Variants in TLN2 observed in about 807,000 individuals in gnomAD.
The protein encoded by TLN2 is talin 2.
TLN2 carries 118 observed loss-of-function variants against 294.7 expected under a neutral mutation model. The observed-to-expected ratio is 0.40, with a 90% confidence interval of 0.34 to 0.47. The LOEUF (loss-of-function observed/expected upper bound fraction) is 0.47, where lower values mean the gene tolerates loss of function less well. Among genes scored for constraint, TLN2 ranks in the 20% least tolerant of loss-of-function variants. The probability of loss-of-function intolerance (pLI) is 0.84; values close to 1 mark genes in which losing one functional copy is unlikely to be tolerated. For synonymous variants in TLN2, 1,431 were observed against 1,304.5 expected (o/e 1.10, Z -2.09); for missense variants, 3,083 against 3,282.2 (o/e 0.94, Z 1.48).
chr15:62,581,678 G>A (rs963609509), intron 1 of TLN2, among the ~76,000 whole-genome samples: 3 of 152,172 alleles, frequency 2.0e-5, no homozygotes, highest in Non-Finnish European at 4.4e-5. Flanking sequence ...ATGTAAAATA[G>A]TGTATTTCCC....
chr15:62,824,372 A>G (rs1163221392), intron 54 of TLN2, among the ~76,000 whole-genome samples: 1 of 152,220 alleles, frequency 6.6e-6, no homozygotes, highest in Non-Finnish European at 1.5e-5. Flanking sequence ...CCTCAAACAC[A>G]TCTAGATTCA....
In TLN2 at chr15:62,702,798, C is replaced by T; in HGVS notation, c.1938C>T (p.Ser646=). The change falls in exon 19 of 59, where the codon AGC becomes AGT. Residue 646 remains serine, a synonymous_variant. Coordinates refer to ENST00000636159, the MANE Select transcript of TLN2 (RefSeq NM_015059.3). The part of the protein sequence containing the change: ...PRQTVLTAAG[S]IGQASGDLLR... ...AGACAGTTTTGACTGCTGCTGGCAG[C>T]ATCGGACAAGCCAGTGGGGATCTTC... 6.2e-7 allele frequency: 1 copy of T among 1,614,172 alleles called. No individual in the cohort carries two copies. Among genetic ancestry groups the T allele is most frequent in the South Asian group, 1.1e-5 (1 of 91,080 alleles).
intron 1 of TLN2, among the ~76,000 whole-genome samples, chr15:62,393,792 T>C (rs1051887913): frequency 1.8e-4 from 27 of 152,164 alleles, no homozygotes; most frequent in African/African-American, 6.0e-4. Context: ...TATCTTTTTT[T>C]TAATGCCTCT....
At chr15:62,626,582 CCCTGATCTGG>C (rs142947471) in intron 3 of TLN2, among the ~76,000 whole-genome samples, 4,170 of 152,262 alleles carry the variant, frequency 0.027, 83 homozygotes, top group East Asian at 0.048. Flanking sequence ...TTTGCATTTT[CCCTGATCTGG>C]GCAAGTCAGC....
intron 3 of TLN2, among the ~76,000 whole-genome samples, chr15:62,626,891 G>T (rs1169319972): frequency 4.6e-5 from 7 of 152,342 alleles, no homozygotes; most frequent in Middle Eastern, 3.4e-3. Flanking sequence ...GACACAGAGG[G>T]AAGAAACTTG....
At chr15:62,391,705 GCGCGGACTACAGCGCGTCGCCACGC>G (rs1349302406) in intron 1 of TLN2, among the ~76,000 whole-genome samples, 1 of 152,238 alleles carries the variant, frequency 6.6e-6, no homozygotes, top group Non-Finnish European at 1.5e-5. Flanking sequence ...CCGCAAGGGC[GCGCGGACTACAGCGCGTCGCCACGC>G]CAGCCGGCGG....
At chr15:62,674,550 A>G (rs2055907122) in intron 10 of TLN2, among the ~76,000 whole-genome samples, 1 of 151,250 alleles carries the variant, frequency 6.6e-6, no homozygotes, top group South Asian at 2.1e-4. Flanking sequence ...ACGGAGTGCA[A>G]TGGGGCGATC....
Position 62,762,273 on chromosome 15 carries a change from G to T in TLN2, c.4781G>T (p.Gly1594Val), listed in dbSNP as rs1475988838. ...VSIPAQISSEGSQAQEPILVS... is the reference protein window; with the variant it reads ...VSIPAQISSEVSQAQEPILVS... ...GATTTCTCTGCTGTTTGGTCTCAGG[G>T]TTCCCAGGCACAGGAACCAATCCTG... Residue 1594 changes from glycine to valine, a missense_variant and splice_region_variant, in exon 39 of 59, where the codon GGT becomes GTT. Transcript: ENST00000636159. 1 of 1,614,062 alleles carries T rather than the reference G, an allele frequency of 6.2e-7. No individual in the cohort carries two copies. Among genetic ancestry groups the T allele is most frequent in the Non-Finnish European group, 8.5e-7 (1 of 1,179,968 alleles).
intron 52 of TLN2, among the ~76,000 whole-genome samples, chr15:62,811,143 T>C (rs956284594): frequency 6.6e-6 from 1 of 152,262 alleles, no homozygotes; most frequent in African/African-American, 2.4e-5. Context: ...AATTATCTTC[T>C]GATGCTAAAC....
intron 45 of TLN2, chr15:62,784,451 T>TA (rs2064464957): frequency 1.3e-5 from 2 of 153,274 alleles, no homozygotes; most frequent in Admixed American, 1.3e-4. Context: ...CAGCTTTCCT[T>TA]AGTGGCCAGT....
intron 45 of TLN2, among the ~76,000 whole-genome samples, chr15:62,787,868 T>G (rs112195502): frequency 2.5e-3 from 383 of 150,860 alleles, no homozygotes; most frequent in African/African-American, 8.9e-3. Context: ...ATTTTTGTAT[T>G]TATAGTAGAG....
chr15:62,824,233 A>G (rs769561857), intron 54 of TLN2, among the ~76,000 whole-genome samples: 2 of 152,216 alleles, frequency 1.3e-5, no homozygotes, highest in Non-Finnish European at 1.5e-5. Context: ...TTGATGTTTC[A>G]TAAGAGCCTG....
intron 1 of TLN2, among the ~76,000 whole-genome samples, chr15:62,567,690 C>T (rs1308665524): frequency 6.6e-6 from 1 of 152,064 alleles, no homozygotes; most frequent in Non-Finnish European, 1.5e-5. Flanking sequence ...CAAAAATTAC[C>T]CGGGCGTGAT....
intron 32 of TLN2, among the ~76,000 whole-genome samples, chr15:62,747,429 T>C (rs1299796753): frequency 6.6e-6 from 1 of 152,216 alleles, no homozygotes; most frequent in Non-Finnish European, 1.5e-5. Context: ...GTCAATCATA[T>C]AGAATTTAAT....
intron 1 of TLN2, among the ~76,000 whole-genome samples, chr15:62,482,870 T>C (rs2038184023): frequency 6.6e-6 from 1 of 152,106 alleles, no homozygotes; most frequent in Non-Finnish European, 1.5e-5. Flanking sequence ...TCCCTGTACT[T>C]CCCCAGCCCT....
chr15:62,726,165 G>A (rs1294078936), intron 27 of TLN2, among the ~76,000 whole-genome samples: 3 of 152,166 alleles, frequency 2.0e-5, no homozygotes, highest in Admixed American at 6.5e-5. Flanking sequence ...CCATCTTTAC[G>A]TAGAGCATAG....
chr15:62,762,377 C>A lies in TLN2; in HGVS notation c.4885C>A (p.Pro1629Thr). 6.2e-7 allele frequency: 1 copy of A among 1,614,170 alleles called. No homozygotes were observed. Among genetic ancestry groups the A allele is most frequent in the Non-Finnish European group, 8.5e-7 (1 of 1,180,030 alleles). ...ARSLAINPKDPPTWSVLAGHS... is the reference protein window; with the variant it reads ...ARSLAINPKDTPTWSVLAGHS... The stretch of plus-strand genomic sequence containing the variant: ...CTCTCTGGCCATCAACCCCAAAGAC[C>A]CACCCACCTGGTCTGTACTGGCTGG... The change falls in exon 39 of 59, where the codon CCA becomes ACA. Residue 1629 changes from proline to threonine, a missense_variant. Coordinates refer to ENST00000636159, the MANE Select transcript of TLN2 (RefSeq NM_015059.3).
chr15:62,596,725 A>T (rs1212908483), intron 2 of TLN2, among the ~76,000 whole-genome samples: 1 of 149,068 alleles, frequency 6.7e-6, no homozygotes, highest in East Asian at 2.0e-4. Context: ...TGGGCAACAG[A>T]GCAAGACTCT....
chr15:62,491,349 T>C (rs55978217), intron 1 of TLN2, among the ~76,000 whole-genome samples: 2,191 of 84,370 alleles, frequency 0.026, 24 homozygotes, highest in African/African-American at 0.049. Flanking sequence ...TATATATATA[T>C]ATACACACAC....
Sources: gnomAD v4.1 joint callset for allele counts (sites outside exome capture counted in the v4.1 genomes callset) on GRCh38, gnomAD v4.1.1 for gene constraint, MANE v1.5 for transcripts, NCBI Gene and HGNC (gene_info 2026-07-23, HGNC 2026-07-21) for gene names.